Variants in ZCCHC24 observed in about 807,000 individuals in gnomAD.
The protein encoded by ZCCHC24 is zinc finger CCHC-type containing 24.
ZCCHC24 carries 10 observed loss-of-function variants against 26.2 expected under a neutral mutation model. That is an observed-to-expected ratio of 0.38 (90% CI 0.24 to 0.65). The LOEUF (loss-of-function observed/expected upper bound fraction) is 0.65, where lower values mean the gene tolerates loss of function less well. Ranked by LOEUF, ZCCHC24 falls within the 30% of genes least tolerant of loss-of-function variation. The probability of loss-of-function intolerance (pLI) is 0.54; values close to 1 mark genes in which losing one functional copy is unlikely to be tolerated. For synonymous variants in ZCCHC24, 144 were observed against 147.1 expected, an observed-to-expected ratio of 0.98 and a Z score of 0.15; for missense variants, 243 against 329.1, an observed-to-expected ratio of 0.74 and a Z score of 2.03.
intron 2 of ZCCHC24, among the ~76,000 whole-genome samples, chr10:79,402,666 C>T (rs910170323): frequency 1.3e-5 from 2 of 152,222 alleles, no homozygotes; most frequent in Admixed American, 6.5e-5. Flanking sequence ...ATGTGCCACA[C>T]GCTTTCTGAC....
At chr10:79,435,740 C>T (rs541031481) in intron 1 of ZCCHC24, among the ~76,000 whole-genome samples, 1 of 152,374 alleles carries the variant, frequency 6.6e-6, no homozygotes, top group East Asian at 1.9e-4. Flanking sequence ...CCCAGCCAGG[C>T]CCCAGGGCCA....
At chr10:79,441,116 A>ACACACCCC (rs377457574) in intron 1 of ZCCHC24, among the ~76,000 whole-genome samples, 3 of 148,794 alleles carry the variant, frequency 2.0e-5, no homozygotes, top group African/African-American at 7.5e-5. Context: ...ACACACACAC[A>ACACACCCC]CCACAAAGGC....
Position 79,386,228 on chromosome 10 carries a change from G to T in ZCCHC24, c.*117C>A. On this transcript the variant is annotated 3_prime_UTR_variant, in exon 4 of 4. Coordinates refer to ENST00000372336, the MANE Select transcript of ZCCHC24 (RefSeq NM_153367.4). ...CGCTAAGAGCCCCCGGCCCAGCCCC[G>T]CAGGCCTGCGAGGGCACCCCATGCA... The T allele has an allele frequency of 1.1e-6, 1 of 912,300 alleles. No homozygotes were observed. Among genetic ancestry groups the T allele is most frequent in the Non-Finnish European group, 1.7e-6 (1 of 574,262 alleles). 56.5% of individuals were successfully genotyped at this position (912,300 alleles called of 1,614,324 possible).
intron 2 of ZCCHC24, among the ~76,000 whole-genome samples, chr10:79,398,065 G>A (rs867001448): frequency 7.2e-5 from 11 of 152,364 alleles, no homozygotes; most frequent in East Asian, 3.9e-4. Flanking sequence ...CCGTCAGGGC[G>A]TGTGGGCTGC....
At chr10:79,407,000 C>T (rs575627320) in intron 2 of ZCCHC24, among the ~76,000 whole-genome samples, 1 of 152,360 alleles carries the variant, frequency 6.6e-6, no homozygotes, top group African/African-American at 2.4e-5. Flanking sequence ...GTGGAAGCTG[C>T]ACTTCCTCCG....
At chr10:79,438,440 G>T (rs937970491) in intron 1 of ZCCHC24, among the ~76,000 whole-genome samples, 3 of 152,186 alleles carry the variant, frequency 2.0e-5, no homozygotes, top group African/African-American at 7.2e-5. Flanking sequence ...GGCGGGAAGC[G>T]AGCCAATGGG....
intron 2 of ZCCHC24, among the ~76,000 whole-genome samples, chr10:79,423,571 A>AATATATATAATATATATATATTTT (rs1856976353): frequency 8.0e-5 from 1 of 12,558 alleles, no homozygotes; most frequent in Non-Finnish European, 1.6e-4. Flanking sequence ...AAACAAACAA[A>AATATATATAATATATATATATTTT]ATATATATAC....
In ZCCHC24 at chr10:79,394,829, A is replaced by G. The variant is rs894737340; in HGVS notation, c.448-389T>C. ...GCAGTGTGCTTTAAAGGGTCATTGAAGAGGCAATACAAGCACGGAAACTGG... is the reference window on the plus strand; with the variant it reads ...GCAGTGTGCTTTAAAGGGTCATTGAGGAGGCAATACAAGCACGGAAACTGG... On this transcript the variant is annotated intron_variant, in intron 2 of 3. Coordinates refer to ENST00000372336, the MANE Select transcript of ZCCHC24 (RefSeq NM_153367.4). Among the ~76,000 whole-genome samples, 21 of 152,210 alleles carry G rather than the reference A, an allele frequency of 1.4e-4. 1 individual carries two copies. Among genetic ancestry groups the G allele is most frequent in the Admixed American group, 1.2e-3 (19 of 15,274 alleles).
chr10:79,432,612 G>T lies in ZCCHC24; in HGVS notation c.393C>A (p.Asn131Lys). 6.2e-7 allele frequency: 1 copy of T among 1,608,434 alleles called. No homozygotes were observed. The highest frequency in any genetic ancestry group is 8.5e-7 in the Non-Finnish European group (1 of 1,177,354). ...TGTTGAAGCACAGGTGGCACAGGTA[G>T]TTGGGTGGGGGCCGCTTGCTGGGCT... ...ARKPSKRPPPNYLCHLCFNKG... is the reference protein window; with the variant it reads ...ARKPSKRPPPKYLCHLCFNKG... Residue 131 changes from asparagine (N) to lysine (K), a missense_variant, in exon 2 of 4, where the codon AAC (asparagine) becomes AAA (lysine). By Grantham distance (94) the Asn-to-Lys change is moderately conservative. Around this residue, in one of 2 missense-constraint regions of ZCCHC24, gnomAD observed 96 missense variants for 178.3 expected, o/e 0.54. Coordinates refer to ENST00000372336, the MANE Select transcript of ZCCHC24 (RefSeq NM_153367.4).
At position 79,384,193 on chromosome 10, in the gene ZCCHC24, T is replaced by A. The variant is rs1031650063; in HGVS notation, c.*2152A>T. On this transcript the variant is annotated 3_prime_UTR_variant, in exon 4 of 4. Transcript: ENST00000372336. ...GAACAGCTCACTGGCAAGGTCACTT[T>A]GGGGTGATATCCCAACTCCCCTTAG... 1 of 152,386 alleles carries A rather than the reference T, an allele frequency of 6.6e-6. No individual in the cohort carries two copies. Among genetic ancestry groups the A allele is most frequent in the Non-Finnish European group, 1.5e-5 (1 of 68,072 alleles). 9.4% of individuals were successfully genotyped at this position (152,386 alleles called of 1,614,324 possible).
rs765439575 is a variant in ZCCHC24 at position 79,386,280 on chromosome 10, A to G, written c.*65T>C. ...AGGGCGACACGCAGCCCCTCGGAGT[A>G]GCACAGGGAAGCAGCGTCTCCTCGG... On this transcript the variant is annotated 3_prime_UTR_variant, in exon 4 of 4. Coordinates refer to ENST00000372336, the MANE Select transcript of ZCCHC24 (RefSeq NM_153367.4). The G allele has an allele frequency of 3.4e-6, 5 of 1,479,126 alleles. No homozygotes were observed. In the African/African-American group the frequency reaches 6.9e-5, roughly 20 times the overall value. 91.6% of individuals were successfully genotyped at this position (1,479,126 alleles called of 1,614,324 possible). A position where few individuals can be genotyped will look rare whatever the true frequency, so the allele number is the denominator to read the frequency against.
At position 79,434,995 on chromosome 10, in the gene ZCCHC24, C is replaced by A. The variant is rs1857195748; in HGVS notation, c.247-2237G>T. ...CCTTGGAGCACCTGGACTTCCCAAC[C>A]ACCAGGGTCTCCCCTTATCTTGACT... On this transcript the variant is annotated intron_variant, in intron 1 of 3. Coordinates refer to ENST00000372336, the MANE Select transcript of ZCCHC24 (RefSeq NM_153367.4). Among the ~76,000 whole-genome samples the A allele has an allele frequency of 2.6e-5, 4 of 152,064 alleles. No individual in the cohort carries two copies. The South Asian group carries it at 8.3e-4, about 32-fold the overall frequency.
At chr10:79,394,753 A>C (rs113230111) in intron 2 of ZCCHC24, 5 of 622,438 alleles carry the variant, frequency 8.0e-6, no homozygotes, top group African/African-American at 6.0e-5. Context: ...ACACGTCATC[A>C]AGGGCAGCTG....
chr10:79,438,274 T>C (rs1417824534), intron 1 of ZCCHC24, among the ~76,000 whole-genome samples: 1 of 152,118 alleles, frequency 6.6e-6, no homozygotes, highest in Non-Finnish European at 1.5e-5. Flanking sequence ...CAAGAGATCA[T>C]TCATCTCGCA....
chr10:79,418,739 G>A (rs1856898537), intron 2 of ZCCHC24, among the ~76,000 whole-genome samples: 1 of 152,230 alleles, frequency 6.6e-6, no homozygotes, highest in South Asian at 2.1e-4. Flanking sequence ...TGTCCCCTAG[G>A]GGCCAGATGG....
intron 2 of ZCCHC24, among the ~76,000 whole-genome samples, chr10:79,398,353 C>T (rs559142240): frequency 2.3e-3 from 343 of 152,304 alleles, no homozygotes; most frequent in Non-Finnish European, 4.1e-3. Context: ...ACCTGCCTCC[C>T]GGGGCTGTTG....
chr10:79,438,847 A>T (rs981712587), intron 1 of ZCCHC24, among the ~76,000 whole-genome samples: 3 of 152,220 alleles, frequency 2.0e-5, no homozygotes, highest in Non-Finnish European at 4.4e-5. Flanking sequence ...GCCCAGGGTC[A>T]CCACTCACCT....
At chr10:79,404,959 G>A (rs1856690308) in intron 2 of ZCCHC24, among the ~76,000 whole-genome samples, 1 of 152,222 alleles carries the variant, frequency 6.6e-6, no homozygotes, top group South Asian at 2.1e-4. Flanking sequence ...TACCCTTCAA[G>A]AGCAAGCTCC....
intron 3 of ZCCHC24, among the ~76,000 whole-genome samples, chr10:79,392,467 C>G (rs891752359): frequency 7.2e-5 from 11 of 152,034 alleles, no homozygotes; most frequent in Non-Finnish European, 1.3e-4. Flanking sequence ...TCCTAATTAC[C>G]CCCTCTTCTC....
Sources: allele counts gnomAD v4.1 joint callset (sites outside exome capture counted in the v4.1 genomes callset), GRCh38; gene constraint gnomAD v4.1.1; regional missense constraint gnomAD v4.1.1; transcripts MANE v1.5; gene names NCBI Gene and HGNC (gene_info 2026-07-23, HGNC 2026-07-21).